Variants in EYS observed in about 807,000 individuals in gnomAD.
EYS encodes protein eyes shut homolog.
Under a neutral mutation model 282.1 loss-of-function variants are expected in EYS, and 250 were observed. The observed-to-expected ratio is 0.89, with a 90% CI of 0.80 to 0.98. EYS has a LOEUF of 0.98. EYS is among the 50% of genes least tolerant of loss of function. The probability of loss-of-function intolerance (pLI) is 0.00; values close to 1 mark genes in which losing one functional copy is unlikely to be tolerated. For missense variants in EYS, 4,016 were observed against 3,709.0 expected (o/e 1.08, Z -2.15); for synonymous variants, 1,355 against 1,282.9 (o/e 1.06, Z -1.20).
chr6:65,400,517 T>C (rs1766452179), intron 7 of EYS, among the ~76,000 whole-genome samples: 2 of 151,960 alleles, frequency 1.3e-5, no homozygotes, highest in Admixed American at 1.3e-4. Flanking sequence ...AACATTTTTA[T>C]GCTAACTTCC....
intron 23 of EYS, among the ~76,000 whole-genome samples, chr6:64,622,699 T>C (rs1387707519): frequency 6.6e-6 from 1 of 152,144 alleles, no homozygotes; most frequent in Non-Finnish European, 1.5e-5. Flanking sequence ...AAGAAAGATT[T>C]CCACAACTGA....
chr6:65,493,359 CT>C lies in EYS; in HGVS notation c.748+1303del, dbSNP rs565772016. 3.8e-3 allele frequency among the ~76,000 whole-genome samples: 586 copies of C among 152,326 alleles called. 3 individuals are homozygous for C. The highest frequency in any genetic ancestry group is 6.8e-3 in the Middle Eastern group (2 of 292). On this transcript the variant is annotated intron_variant, in intron 4 of 42. Transcript: ENST00000503581. Reference sequence around the variant, plus strand: ...CAGGTGATCTGCTCTAGATATAGCTCTGCTTTAACCTTCCTTCCTCTTTTAT... The same window carrying C: ...CAGGTGATCTGCTCTAGATATAGCTCGCTTTAACCTTCCTTCCTCTTTTAT...
At chr6:64,036,665 G>A (rs1770137630) in intron 33 of EYS, among the ~76,000 whole-genome samples, 1 of 152,126 alleles carries the variant, frequency 6.6e-6, no homozygotes. Context: ...AGACATTTAA[G>A]GAGTAACAAA....
chr6:64,614,904 C>A (rs79796681), intron 24 of EYS, among the ~76,000 whole-genome samples: 3,836 of 152,172 alleles, frequency 0.025, 63 homozygotes, highest in Non-Finnish European at 0.042. Context: ...AATTAGTGAC[C>A]GCCTATACTG....
intron 19 of EYS, among the ~76,000 whole-genome samples, chr6:64,862,240 A>T (rs758583412): frequency 2.0e-5 from 3 of 152,020 alleles, no homozygotes; most frequent in Non-Finnish European, 4.4e-5. Flanking sequence ...GAGTTTATCT[A>T]TGTTTTTCTG....
At chr6:65,036,653 G>A (rs1047827731) in intron 13 of EYS, among the ~76,000 whole-genome samples, 1 of 150,956 alleles carries the variant, frequency 6.6e-6, no homozygotes, top group Non-Finnish European at 1.5e-5. Context: ...TGAAAAATGG[G>A]CAAAGGACAT....
chr6:65,130,889 A>T (rs1775856809), intron 12 of EYS, among the ~76,000 whole-genome samples: 1 of 151,552 alleles, frequency 6.6e-6, no homozygotes, highest in Admixed American at 6.6e-5. Flanking sequence ...AAAATATGCT[A>T]AAAAAACTGT....
In EYS at chr6:64,550,133, T is replaced by C. The variant is rs554798954; in HGVS notation, c.5644+40090A>G. ...TGCCACATTTTCTTAATCGAGTCTA[T>C]CATTGTTAGACATTTGGGTTGGTTC... On this transcript the variant is annotated intron_variant, in intron 26 of 42. Transcript: ENST00000503581. Among the ~76,000 whole-genome samples the C allele has an allele frequency of 2.6e-5, 4 of 152,302 alleles. No individual in the cohort carries two copies. The South Asian group carries it at 8.3e-4, about 32-fold the overall frequency.
intron 12 of EYS, among the ~76,000 whole-genome samples, chr6:65,199,122 C>T (rs552905343): frequency 6.6e-6 from 1 of 152,222 alleles, no homozygotes; most frequent in African/African-American, 2.4e-5. Context: ...TTTAAAGGAG[C>T]ATCTGAGATC....
chr6:64,406,958 C>T (rs1481917261), intron 28 of EYS, among the ~76,000 whole-genome samples: 2 of 152,088 alleles, frequency 1.3e-5, no homozygotes, highest in Non-Finnish European at 2.9e-5. Flanking sequence ...GGTATATACC[C>T]GAAGGATAAT....
At chr6:63,940,679 T>C (rs1765208110) in intron 35 of EYS, among the ~76,000 whole-genome samples, 1 of 151,992 alleles carries the variant, frequency 6.6e-6, no homozygotes, top group Non-Finnish European at 1.5e-5. Flanking sequence ...ACGTTTTTTT[T>C]TCCTCTTTTT....
chr6:64,138,919 G>T (rs561538556), intron 31 of EYS, among the ~76,000 whole-genome samples: 1 of 152,238 alleles, frequency 6.6e-6, no homozygotes, highest in South Asian at 2.1e-4. Flanking sequence ...AAGCATGGGA[G>T]AGTTATTTAT....
chr6:65,390,032 G>A (rs1187674990), intron 7 of EYS, among the ~76,000 whole-genome samples: 5 of 151,918 alleles, frequency 3.3e-5, no homozygotes, highest in African/African-American at 1.2e-4. Context: ...CAGTACATGA[G>A]TGAGTGAACT....
At chr6:64,338,990 T>C (rs1216583211) in intron 29 of EYS, among the ~76,000 whole-genome samples, 1 of 151,958 alleles carries the variant, frequency 6.6e-6, no homozygotes, top group Non-Finnish European at 1.5e-5. Flanking sequence ...CAGCTCAAGA[T>C]GGATTAAGGA....
At chr6:65,271,373 C>T (rs1051489193) in intron 12 of EYS, among the ~76,000 whole-genome samples, 1 of 151,092 alleles carries the variant, frequency 6.6e-6, no homozygotes, top group Admixed American at 6.6e-5. Flanking sequence ...GGGAAGAGGG[C>T]AAATTCAACT....
chr6:64,519,839 A>C (rs1777676129), intron 26 of EYS, among the ~76,000 whole-genome samples: 2 of 151,858 alleles, frequency 1.3e-5, no homozygotes, highest in African/African-American at 4.8e-5. Context: ...TCAAAAAACC[A>C]TTCACTGTGT....
rs536076082 is a variant in EYS, at chr6:65,203,811, T to C, written c.2023+92052A>G. On this transcript the variant is annotated intron_variant, in intron 12 of 42. Coordinates refer to ENST00000503581, the MANE Select transcript of EYS (RefSeq NM_001142800.2). ...AATCTCAGTGAGATTCAAGAGAAGG[T>C]TAAAAACCAACTCAAAGAAAGTGGA... Among the ~76,000 whole-genome samples, 4 of 151,438 alleles carry C rather than the reference T, an allele frequency of 2.6e-5. No individual in the cohort carries two copies. In the South Asian group the frequency reaches 8.3e-4, roughly 32 times the overall value.
chr6:64,762,364 C>A (rs1232407688), intron 22 of EYS, among the ~76,000 whole-genome samples: 1 of 152,154 alleles, frequency 6.6e-6, no homozygotes. Context: ...TCAATTCACT[C>A]ATTACCTGCA....
chr6:65,462,677 C>G (rs1034011286), intron 5 of EYS, among the ~76,000 whole-genome samples: 1 of 151,884 alleles, frequency 6.6e-6, no homozygotes, highest in Admixed American at 6.6e-5. Flanking sequence ...CACCATTACT[C>G]TTAAATTTTA....
Sources: allele counts gnomAD v4.1 joint callset (sites outside exome capture counted in the v4.1 genomes callset), GRCh38; gene constraint gnomAD v4.1.1; transcripts MANE v1.5; gene names NCBI Gene and HGNC (gene_info 2026-07-23, HGNC 2026-07-21).